AMBRA1: variants seen among roughly 807,000 people sequenced by gnomAD.
The protein encoded by AMBRA1 is activating molecule in BECN1-regulated autophagy protein 1.
A neutral mutation model predicts 125.4 loss-of-function variants in AMBRA1; 47 were observed. The observed-to-expected ratio is 0.37, with a 90% CI of 0.30 to 0.48. The LOEUF (loss-of-function observed/expected upper bound fraction) is 0.48. AMBRA1 is among the 20% of genes least tolerant of loss of function. The pLI, the probability that AMBRA1 is intolerant of heterozygous loss-of-function variation, is 0.99. For missense variants in AMBRA1, 1,331 were observed against 1,693.4 expected (o/e 0.79, Z 3.76); for synonymous variants, 626 against 655.5 (o/e 0.95, Z 0.69).
chr11:46,397,460 C>T lies in AMBRA1; in HGVS notation c.3887G>A (p.Arg1296Gln), dbSNP rs772054193. The T allele has an allele frequency of 9.3e-6, 14 of 1,506,220 alleles. No homozygotes were observed. Among genetic ancestry groups the T allele is most frequent in the South Asian group, 5.4e-5 (4 of 73,884 alleles). 93.3% of individuals were successfully genotyped at this position (1,506,220 alleles called of 1,614,324 possible). The stretch of plus-strand genomic sequence containing the variant: ...GTGCAACGTTTGTCTCTACCTGTTC[C>T]GTGGTTCTCCCCTAGGGCCTGCAGC... The part of the protein sequence containing the change: ...GDAAGPRGEP[R>Q]NR Residue 1296 changes from arginine to glutamine, a missense_variant, in exon 18 of 18, where the codon CGG becomes CAG. Physicochemically the swap from Arg to Gln is conservative, Grantham distance 43 (BLOSUM62 1). Coordinates refer to ENST00000683756, the MANE Select transcript of AMBRA1 (RefSeq NM_001387011.1).
intron 15 of AMBRA1, among the ~76,000 whole-genome samples, chr11:46,415,364 A>T (rs926607332): frequency 6.6e-6 from 1 of 152,216 alleles, no homozygotes; most frequent in Admixed American, 6.5e-5. Flanking sequence ...AAGAGTTACA[A>T]AAGTATGTGT....
intron 1 of AMBRA1, among the ~76,000 whole-genome samples, chr11:46,557,741 G>A (rs143576704): frequency 1.6e-4 from 24 of 152,300 alleles, no homozygotes; most frequent in African/African-American, 5.3e-4. Flanking sequence ...CCAGGAGGTC[G>A]AGGCTGCAGT....
intron 7 of AMBRA1, among the ~76,000 whole-genome samples, chr11:46,524,702 A>G (rs188757660): frequency 3.3e-5 from 5 of 152,196 alleles, no homozygotes; most frequent in African/African-American, 1.2e-4. Flanking sequence ...AGCCATTACT[A>G]TTTTTTTCTT....
At chr11:46,525,106 C>T (rs1005444366) in intron 7 of AMBRA1, among the ~76,000 whole-genome samples, 1 of 151,838 alleles carries the variant, frequency 6.6e-6, no homozygotes, top group African/African-American at 2.4e-5. Flanking sequence ...TCGAGACCAG[C>T]TCGGGCAACC....
chr11:46,569,759 C>G (rs1295622032), intron 1 of AMBRA1, among the ~76,000 whole-genome samples: 2 of 148,414 alleles, frequency 1.3e-5, no homozygotes, highest in African/African-American at 5.0e-5. Context: ...GAGAAATGAC[C>G]AGCCAACATG....
In AMBRA1 at chr11:46,594,003, C is replaced by A. The variant is rs2044700042; in HGVS notation, c.-296G>T. The A allele has an allele frequency of 2.5e-6, 1 of 398,536 alleles. No homozygotes were observed. The highest frequency in any genetic ancestry group is 4.4e-5 in the Admixed American group (1 of 22,702). The allele number at this position is 398,536 out of a possible 1,614,324, so 24.7% of individuals were successfully genotyped here. A position where few individuals can be genotyped will look rare whatever the true frequency, so the allele number is the denominator to read the frequency against. ...CCCTCGACCCGGCGCCGCCGCCGCT[C>A]AGGAGACATCAAGCAAGAAGACGGC... On this transcript the variant is annotated 5_prime_UTR_variant, in exon 1 of 18. It introduces an in-frame stop codon into an upstream open reading frame of the 5' UTR. Transcript: ENST00000683756.
At chr11:46,580,381 A>G (rs578034983) in intron 1 of AMBRA1, among the ~76,000 whole-genome samples, 87 of 152,282 alleles carry the variant, frequency 5.7e-4, no homozygotes, top group African/African-American at 1.9e-3. Flanking sequence ...GAATCAGCCT[A>G]AAGACTACTT....
At chr11:46,447,333 G>C (rs973793877) in intron 11 of AMBRA1, among the ~76,000 whole-genome samples, 1 of 151,976 alleles carries the variant, frequency 6.6e-6, no homozygotes, top group African/African-American at 2.4e-5. Flanking sequence ...TCAGGAGTTC[G>C]AGACCAGCGT....
intron 9 of AMBRA1, among the ~76,000 whole-genome samples, chr11:46,507,280 C>G (rs1344454478): frequency 6.7e-5 from 10 of 150,322 alleles, no homozygotes; most frequent in African/African-American, 2.0e-4. Flanking sequence ...GAGATCAAGA[C>G]CACCCTGGCT....
chr11:46,407,104 G>A (rs1246322623), intron 17 of AMBRA1, among the ~76,000 whole-genome samples: 1 of 152,242 alleles, frequency 6.6e-6, no homozygotes, highest in Non-Finnish European at 1.5e-5. Context: ...ACTTGAACTC[G>A]GGAAGCGGTG....
chr11:46,398,045 C>A, intron 17 of AMBRA1, 102 bp from the exon 18 acceptor site: 1 of 1,431,718 alleles, frequency 7.0e-7, no homozygotes, highest in South Asian at 1.4e-5. Context: ...CTTGACTAAA[C>A]GCAGGATAGA....
chr11:46,504,524 G>A (rs1039169281), intron 9 of AMBRA1: 2 of 152,278 alleles, frequency 1.3e-5, no homozygotes, highest in African/African-American at 4.8e-5. Flanking sequence ...GCTGCTGAGA[G>A]CTTCAGGAGA....
intron 11 of AMBRA1, 119 bp from the exon 12 acceptor site, chr11:46,443,717 T>A: frequency 1.2e-6 from 1 of 812,814 alleles, no homozygotes; most frequent in Non-Finnish European, 2.0e-6. Flanking sequence ...AGACTATGGC[T>A]GAAGAAAGCT....
chr11:46,428,915 A>G, intron 14 of AMBRA1: 3 of 1,611,976 alleles, frequency 1.9e-6, no homozygotes, highest in Non-Finnish European at 2.5e-6. Flanking sequence ...GTAATCACGG[A>G]GATACTGGAT....
chr11:46,572,205 G>A (rs993296423), intron 1 of AMBRA1, among the ~76,000 whole-genome samples: 3 of 152,122 alleles, frequency 2.0e-5, no homozygotes, highest in Non-Finnish European at 4.4e-5. Flanking sequence ...GGAGGCTAAG[G>A]CAGGAGAATC....
intron 8 of AMBRA1, among the ~76,000 whole-genome samples, chr11:46,511,012 G>A (rs747639393): frequency 5.9e-5 from 9 of 152,304 alleles, no homozygotes; most frequent in Non-Finnish European, 1.2e-4. Flanking sequence ...TATTCAAAGT[G>A]TAAAAATACC....
chr11:46,505,428 A>G (rs1159027672), intron 9 of AMBRA1, among the ~76,000 whole-genome samples: 1 of 152,170 alleles, frequency 6.6e-6, no homozygotes, highest in Non-Finnish European at 1.5e-5. Context: ...ATCCTTTACT[A>G]GAAGACCTGG....
At chr11:46,417,632 C>T (rs1410091485) in intron 15 of AMBRA1, among the ~76,000 whole-genome samples, 1 of 152,014 alleles carries the variant, frequency 6.6e-6, no homozygotes, top group East Asian at 1.9e-4. Flanking sequence ...ACTTTAGTAT[C>T]ACTAGGAAAC....
chr11:46,411,497 C>T (rs1946297345), intron 15 of AMBRA1, among the ~76,000 whole-genome samples: 1 of 152,224 alleles, frequency 6.6e-6, no homozygotes, highest in Non-Finnish European at 1.5e-5. Context: ...GAGATGGAGT[C>T]TCACTCTGAT....
Sources: gnomAD v4.1 joint callset for allele counts (sites outside exome capture counted in the v4.1 genomes callset) on GRCh38, gnomAD v4.1.1 for gene constraint, MANE v1.5 for transcripts, NCBI Gene and HGNC (gene_info 2026-07-23, HGNC 2026-07-21) for gene names.